The following APBB2 variants were observed in gnomAD, a reference collection of about 807,000 sequenced individuals.
APBB2 encodes amyloid beta precursor protein binding family B member 2, also known as Fe65-like 1.
A neutral mutation model predicts 82.5 loss-of-function variants in APBB2; 38 were observed. The ratio of observed to expected loss-of-function variants is 0.46; its 90% CI spans 0.36 to 0.60. APBB2 has a LOEUF of 0.60. APBB2 is among the 20% of genes least tolerant of loss of function. APBB2 has a pLI of 0.00. For synonymous variants in APBB2, 341 were observed against 368.2 expected, an observed-to-expected ratio of 0.93 and a Z score of 0.85; for missense variants, 772 against 972.3, an observed-to-expected ratio of 0.79 and a Z score of 2.74.
chr4:40,846,827 A>G (rs1757810379), intron 12 of APBB2, among the ~76,000 whole-genome samples: 1 of 152,192 alleles, frequency 6.6e-6, no homozygotes, highest in Non-Finnish European at 1.5e-5. Context: ...AGGAGGAGGG[A>G]AAAAGGATAT....
At chr4:40,896,792 A>G (rs1296410340) in intron 10 of APBB2, among the ~76,000 whole-genome samples, 1 of 152,140 alleles carries the variant, frequency 6.6e-6, no homozygotes, top group Non-Finnish European at 1.5e-5. Context: ...AAATCATATG[A>G]TCACCTCAGT....
At chr4:40,934,163 TAA>T (rs896917908) in intron 10 of APBB2, among the ~76,000 whole-genome samples, 12 of 152,324 alleles carry the variant, frequency 7.9e-5, no homozygotes, top group African/African-American at 2.4e-4. Flanking sequence ...GGTGTATCTT[TAA>T]AGACTTCTAA....
chr4:41,170,607 A>G (rs941385924), intron 1 of APBB2, among the ~76,000 whole-genome samples: 1 of 152,226 alleles, frequency 6.6e-6, no homozygotes, highest in Non-Finnish European at 1.5e-5. Flanking sequence ...AAGACCAAGA[A>G]AGAGTAAGGA....
rs1017275562 is a variant in APBB2 at position 41,212,860 on chromosome 4, C to T, written c.-417+1545G>A. On this transcript the variant is annotated intron_variant, in intron 1 of 17. Coordinates refer to ENST00000508593, the MANE Select transcript of APBB2 (RefSeq NM_004307.2). ...TTCTCGCCACAAATACCATCCTTCACGAACGATGCCATTTCTAGGATGTTG... is the reference window on the plus strand; with the variant it reads ...TTCTCGCCACAAATACCATCCTTCATGAACGATGCCATTTCTAGGATGTTG... Among the ~76,000 whole-genome samples the T allele has an allele frequency of 2.0e-5, 3 of 152,160 alleles. No homozygotes were observed. The South Asian group carries it at 6.2e-4, about 32-fold the overall frequency.
At chr4:40,907,375 ATATATTTTTTTT>A (rs1345616572) in intron 10 of APBB2, among the ~76,000 whole-genome samples, 514 of 32,380 alleles carry the variant, frequency 0.016, 5 homozygotes, top group African/African-American at 0.077. Context: ...ATATATATAT[ATATATTTTTTTT>A]TTTTTTTTTT....
At chr4:41,005,231 C>T (rs1322931216) in intron 6 of APBB2, among the ~76,000 whole-genome samples, 1 of 152,100 alleles carries the variant, frequency 6.6e-6, no homozygotes, top group African/African-American at 2.4e-5. Flanking sequence ...GCTGGGACTA[C>T]AGGCACGTGC....
chr4:41,005,110 G>C (rs1806334388), intron 6 of APBB2, among the ~76,000 whole-genome samples: 1 of 151,858 alleles, frequency 6.6e-6, no homozygotes, highest in African/African-American at 2.4e-5. Flanking sequence ...TGTTTGTTTT[G>C]ACATGGAGTC....
At chr4:41,213,820 CCT>C (rs938339675) in intron 1 of APBB2, among the ~76,000 whole-genome samples, 1 of 152,148 alleles carries the variant, frequency 6.6e-6, no homozygotes, top group African/African-American at 2.4e-5. Context: ...ACTTTTCCCC[CCT>C]TTCATGTCTC....
intron 12 of APBB2, among the ~76,000 whole-genome samples, chr4:40,843,046 A>T (rs1470339364): frequency 6.6e-6 from 1 of 152,208 alleles, no homozygotes; most frequent in Non-Finnish European, 1.5e-5. Flanking sequence ...TGAGCTACCC[A>T]GAGCTGTCCT....
At chr4:41,067,094 G>A (rs944151395) in intron 3 of APBB2, among the ~76,000 whole-genome samples, 1 of 152,178 alleles carries the variant, frequency 6.6e-6, no homozygotes. Flanking sequence ...GAAGAAATAA[G>A]GAAGACAAGG....
intron 10 of APBB2, among the ~76,000 whole-genome samples, chr4:40,901,017 A>C (rs1446796211): frequency 6.6e-6 from 1 of 152,166 alleles, no homozygotes; most frequent in Admixed American, 6.5e-5. Flanking sequence ...GACATGGATC[A>C]AGAAGAGTAA....
At position 40,812,214 on chromosome 4, in the gene APBB2, A is replaced by G. The variant is rs1744556285; in HGVS notation, c.*3878T>C. 6.6e-6 allele frequency: 1 copy of G among 152,244 alleles called. No individual in the cohort carries two copies. The highest frequency in any genetic ancestry group is 2.1e-4 in the South Asian group (1 of 4,836). 9.4% of individuals were successfully genotyped at this position (152,244 alleles called of 1,614,324 possible). A position where few individuals can be genotyped will look rare whatever the true frequency, so the allele number is the denominator to read the frequency against. On this transcript the variant is annotated 3_prime_UTR_variant, in exon 18 of 18. Coordinates refer to ENST00000508593, the MANE Select transcript of APBB2 (RefSeq NM_004307.2). ...AAGTGATTTCTAAGAAGTCTGAGGT[A>G]AGAATAATTTAAAAATAACTAGAGA...
intron 10 of APBB2, among the ~76,000 whole-genome samples, chr4:40,931,185 C>T (rs1380872145): frequency 1.3e-5 from 2 of 152,174 alleles, no homozygotes; most frequent in Non-Finnish European, 2.9e-5. Context: ...TCCAGAAAGC[C>T]TAGGTCTTGC....
At chr4:40,855,278 T>C (rs1760812024) in intron 12 of APBB2, among the ~76,000 whole-genome samples, 2 of 152,234 alleles carry the variant, frequency 1.3e-5, no homozygotes, top group Admixed American at 1.3e-4. Context: ...AGAAGACACC[T>C]GTTGTATTTA....
chr4:40,866,583 C>T (rs1478408240), intron 12 of APBB2, among the ~76,000 whole-genome samples: 4 of 151,706 alleles, frequency 2.6e-5, no homozygotes, highest in African/African-American at 7.3e-5. Context: ...AAACTGAGGC[C>T]GATATAATTT....
At chr4:40,889,325 G>A (rs958257731) in intron 12 of APBB2, among the ~76,000 whole-genome samples, 1 of 152,194 alleles carries the variant, frequency 6.6e-6, no homozygotes, top group Non-Finnish European at 1.5e-5. Flanking sequence ...AATCAAATGC[G>A]CTAATGCCCA....
intron 1 of APBB2, among the ~76,000 whole-genome samples, chr4:41,160,160 G>C (rs1764783703): frequency 6.6e-6 from 1 of 152,136 alleles, no homozygotes; most frequent in African/African-American, 2.4e-5. Flanking sequence ...CAGGGCCCAG[G>C]GCAAGCTGGC....
rs1472214937 is a variant in APBB2 at position 41,214,541 on chromosome 4, C to G, written c.-553G>C. 6.6e-6 allele frequency: 1 copy of G among 152,336 alleles called. No individual in the cohort carries two copies. 9.4% of individuals were successfully genotyped at this position (152,336 alleles called of 1,614,324 possible). A position where few individuals can be genotyped will look rare whatever the true frequency, so the allele number is the denominator to read the frequency against. ...TTGAGACCAGAACGGGCTCCGGCAA[C>G]TGAGCATGCTCAGTGCCGTTCCGCG... On this transcript the variant is annotated 5_prime_UTR_variant, in exon 1 of 18. Coordinates refer to ENST00000508593, the MANE Select transcript of APBB2 (RefSeq NM_004307.2).
chr4:41,010,478 T>C (rs1004857629), intron 6 of APBB2, among the ~76,000 whole-genome samples: 2 of 152,158 alleles, frequency 1.3e-5, no homozygotes, highest in East Asian at 1.9e-4. Flanking sequence ...ACTGAGCAAA[T>C]GAGTGGTAAG....
Sources: allele counts gnomAD v4.1 joint callset (sites outside exome capture counted in the v4.1 genomes callset), GRCh38; gene constraint gnomAD v4.1.1; transcripts MANE v1.5; gene names NCBI Gene and HGNC (gene_info 2026-07-23, HGNC 2026-07-21).